The following ZNF292 variants were observed in gnomAD, a reference collection of about 807,000 sequenced individuals.
The protein encoded by ZNF292 is zinc finger protein 292.
Under a neutral mutation model 217.9 loss-of-function variants are expected in ZNF292, and 26 were observed. The ratio of observed to expected loss-of-function variants is 0.12; its 90% CI spans 0.09 to 0.17. The LOEUF (loss-of-function observed/expected upper bound fraction) is 0.17. Among genes scored for constraint, ZNF292 ranks in the 10% least tolerant of loss-of-function variants. ZNF292 has a pLI of 1.00. For synonymous variants in ZNF292, 1,257 were observed against 1,124.1 expected, an observed-to-expected ratio of 1.12 and a Z score of -2.37; for missense variants, 2,904 against 3,175.2, an observed-to-expected ratio of 0.91 and a Z score of 2.05.
intron 5 of ZNF292, chr6:87,233,728 T>C (rs1362557727): frequency 2.5e-6 from 2 of 815,182 alleles, no homozygotes; most frequent in African/African-American, 3.7e-5. Context: ...CTAGTTTCTG[T>C]TTTAAATAAT....
At chr6:87,186,892 G>A (rs962757416) in intron 1 of ZNF292, among the ~76,000 whole-genome samples, 1 of 152,254 alleles carries the variant, frequency 6.6e-6, no homozygotes, top group East Asian at 1.9e-4. Context: ...TTCTCTGAAC[G>A]CGTGAACTAA....
chr6:87,207,250 A>G (rs1324977416), intron 1 of ZNF292, among the ~76,000 whole-genome samples: 1 of 152,234 alleles, frequency 6.6e-6, no homozygotes, highest in Non-Finnish European at 1.5e-5. Context: ...ATGTGTATAT[A>G]TGTACTTTTT....
chr6:87,179,021 G>A (rs1771385815), intron 1 of ZNF292, among the ~76,000 whole-genome samples: 1 of 152,110 alleles, frequency 6.6e-6, no homozygotes, highest in Admixed American at 6.5e-5. Context: ...CCCTTTAAAG[G>A]TTGAATAATA....
chr6:87,219,076 CAAAAT>C (rs764060506), intron 4 of ZNF292, among the ~76,000 whole-genome samples: 8 of 152,040 alleles, frequency 5.3e-5, no homozygotes, highest in Non-Finnish European at 1.0e-4. Flanking sequence ...TGCTTTTCCT[CAAAAT>C]AAAATAAGAA....
At chr6:87,159,934 G>T (rs774437801) in intron 1 of ZNF292, among the ~76,000 whole-genome samples, 1 of 152,166 alleles carries the variant, frequency 6.6e-6, no homozygotes, top group Non-Finnish European at 1.5e-5. Context: ...AGAATAACCA[G>T]AAGTAATTTC....
intron 1 of ZNF292, among the ~76,000 whole-genome samples, chr6:87,214,299 C>T (rs185761155): frequency 9.9e-5 from 15 of 152,236 alleles, no homozygotes; most frequent in African/African-American, 3.6e-4. Flanking sequence ...TCCCCAGCAT[C>T]TCTGTCCCTG....
At chr6:87,208,719 C>G (rs1185991734) in intron 1 of ZNF292, among the ~76,000 whole-genome samples, 2 of 152,060 alleles carry the variant, frequency 1.3e-5, no homozygotes, top group Non-Finnish European at 2.9e-5. Context: ...GCTCCAAGTT[C>G]ATGTATGACA....
intron 1 of ZNF292, among the ~76,000 whole-genome samples, chr6:87,158,439 C>T (rs946893965): frequency 1.1e-4 from 16 of 152,014 alleles, no homozygotes; most frequent in African/African-American, 3.9e-4. Context: ...TTTGGGAGGC[C>T]GAGTTGGGCG....
chr6:87,159,093 A>G (rs1770635521), intron 1 of ZNF292, among the ~76,000 whole-genome samples: 1 of 152,250 alleles, frequency 6.6e-6, no homozygotes, highest in Non-Finnish European at 1.5e-5. Flanking sequence ...GGTGAAACCC[A>G]CAGAAACAGG....
intron 1 of ZNF292, among the ~76,000 whole-genome samples, chr6:87,173,000 T>G (rs1771156217): frequency 6.6e-6 from 1 of 152,134 alleles, no homozygotes; most frequent in South Asian, 2.1e-4. Context: ...TATATTTAAC[T>G]CATTTTTAAT....
chr6:87,249,379 T>C, intron 7 of ZNF292: 2 of 427,866 alleles, frequency 4.7e-6, no homozygotes, highest in Non-Finnish European at 9.4e-6. Context: ...CTCCGTGCCT[T>C]GGCCTTCCAA....
rs201709730 is a variant in ZNF292 at position 87,257,895 on chromosome 6, T to C, written c.4266T>C (p.Leu1422=). Residue 1422 remains leucine, a synonymous_variant, in exon 8 of 8, where the codon CTT becomes CTC. Coordinates refer to ENST00000369577, the MANE Select transcript of ZNF292 (RefSeq NM_015021.3). The stretch of plus-strand genomic sequence containing the variant: ...AGAGTAATGGACAGCCTTCTCTTCT[T>C]GCCAGCATGATTCTCTCCACAAATG... ...LLQSNGQPSL[L]ASMILSTNAV... The C allele has an allele frequency of 6.1e-5, 98 of 1,613,938 alleles. No individual in the cohort carries two copies. The African/African-American group carries it at 1.1e-3, about 18-fold the overall frequency.
intron 5 of ZNF292, among the ~76,000 whole-genome samples, chr6:87,233,846 C>T (rs545972099): frequency 3.3e-5 from 5 of 152,242 alleles, no homozygotes; most frequent in Admixed American, 3.3e-4. Context: ...TCAATCTTGT[C>T]TGACTTCAAG....
intron 1 of ZNF292, among the ~76,000 whole-genome samples, chr6:87,168,877 T>A (rs1770999962): frequency 6.6e-6 from 1 of 152,058 alleles, no homozygotes; most frequent in Non-Finnish European, 1.5e-5. Context: ...GATTCCAAAA[T>A]CCCCAGATGC....
chr6:87,188,713 T>C (rs561306330), intron 1 of ZNF292, among the ~76,000 whole-genome samples: 55 of 150,278 alleles, frequency 3.7e-4, no homozygotes, highest in African/African-American at 1.3e-3. Flanking sequence ...TAGCCAGCCG[T>C]AGTAATTTTT....
chr6:87,224,466 A>C (rs957064192), intron 4 of ZNF292, among the ~76,000 whole-genome samples: 1 of 151,906 alleles, frequency 6.6e-6, no homozygotes, highest in Non-Finnish European at 1.5e-5. Context: ...AAAACAACAA[A>C]AAAACTGTGT....
At chr6:87,216,751 A>G (rs1345260324) in intron 3 of ZNF292, among the ~76,000 whole-genome samples, 1 of 152,010 alleles carries the variant, frequency 6.6e-6, no homozygotes, top group African/African-American at 2.4e-5. Context: ...GTGGATAGGT[A>G]TATTTTCCCC....
At position 87,218,652 on chromosome 6, in the gene ZNF292, T is replaced by C. The variant is rs1374300163; in HGVS notation, c.459T>C (p.Thr153=). 1 of 1,585,802 alleles carries C rather than the reference T, an allele frequency of 6.3e-7. No individual in the cohort carries two copies. The highest frequency in any genetic ancestry group is 2.3e-5 in the East Asian group (1 of 43,864). ...NGSCELHFLA[T]LAQETGVWKN... is the part of the protein sequence containing the mutation. ...GCTGTGAATTGCATTTTTTAGCTAC[T>C]CTAGCTCAAGAGACTGGGGTGTGGA... Residue 153 remains threonine, a synonymous_variant, in exon 4 of 8, where the codon ACT becomes ACC. Coordinates refer to ENST00000369577, the MANE Select transcript of ZNF292 (RefSeq NM_015021.3).
Position 87,260,961 on chromosome 6 carries a change from T to A in ZNF292, c.7332T>A (p.Ala2444=). Residue 2444 remains alanine, a synonymous_variant, in exon 8 of 8, where the codon GCT becomes GCA. Transcript: ENST00000369577. The part of the protein sequence containing the change: ...QVKETSEQEG[A]KNDVKDSDTC... Reference sequence around the variant, plus strand: ...AGGAAACGTCTGAGCAAGAAGGTGCTAAGAATGATGTGAAAGATTCTGACA... The same window carrying A: ...AGGAAACGTCTGAGCAAGAAGGTGCAAAGAATGATGTGAAAGATTCTGACA... 6.2e-7 allele frequency: 1 copy of A among 1,610,088 alleles called. No homozygotes were observed. The highest frequency in any genetic ancestry group is 8.5e-7 in the Non-Finnish European group (1 of 1,177,942).
Sources: allele counts gnomAD v4.1 joint callset (sites outside exome capture counted in the v4.1 genomes callset), GRCh38; gene constraint gnomAD v4.1.1; transcripts MANE v1.5; gene names NCBI Gene and HGNC (gene_info 2026-07-23, HGNC 2026-07-21).